Variants in REDIC1 observed in about 807,000 individuals in gnomAD.
REDIC1 encodes the protein HEI10 Interacting Protein 1.
the REDIC1 span, among the ~76,000 whole-genome samples, chr12:39,797,833 A>T: frequency 3.9e-5 from 6 of 152,222 alleles, no homozygotes; most frequent in African/African-American, 1.4e-4. Context: ...CTATCCATGT[A>T]AACATAAAAG....
chr12:39,761,269 T>A, the REDIC1 span, among the ~76,000 whole-genome samples: 6 of 151,978 alleles, frequency 3.9e-5, no homozygotes, highest in African/African-American at 1.2e-4. Context: ...GCTTCTCAGC[T>A]CCTACTTAAG....
the REDIC1 span, among the ~76,000 whole-genome samples, chr12:39,874,534 G>C: frequency 6.7e-6 from 1 of 149,362 alleles, no homozygotes; most frequent in African/African-American, 2.5e-5. Context: ...AGAATTGCTT[G>C]AACCTGGGAG....
At chr12:39,697,846 G>A in the REDIC1 span, among the ~76,000 whole-genome samples, 16 of 152,008 alleles carry the variant, frequency 1.1e-4, no homozygotes, top group African/African-American at 2.9e-4. Flanking sequence ...AAGGAAAGAC[G>A]AAATGACCAC....
the REDIC1 span, among the ~76,000 whole-genome samples, chr12:39,713,257 C>G: frequency 0.012 from 1,164 of 96,204 alleles, 98 homozygotes; most frequent in African/African-American, 0.043. Flanking sequence ...CACACACATA[C>G]GTGTATATAT....
the REDIC1 span, chr12:39,830,492 A>C: frequency 8.5e-7 from 1 of 1,175,248 alleles, no homozygotes; most frequent in Non-Finnish European, 1.1e-6. Flanking sequence ...TGAATGTAGA[A>C]GAGTCCCCAT....
the REDIC1 span, chr12:39,829,384 T>C: frequency 7.2e-6 from 1 of 138,530 alleles, no homozygotes. Flanking sequence ...TGTAATGTGA[T>C]AGTAATTCTT....
At chr12:39,689,580 G>A in the REDIC1 span, among the ~76,000 whole-genome samples, 1 of 152,172 alleles carries the variant, frequency 6.6e-6, no homozygotes, top group Non-Finnish European at 1.5e-5. Flanking sequence ...TCGAGAGAAA[G>A]TGTATAGAAT....
chr12:39,770,363 G>A, the REDIC1 span, among the ~76,000 whole-genome samples: 1 of 152,084 alleles, frequency 6.6e-6, no homozygotes, highest in Non-Finnish European at 1.5e-5. Flanking sequence ...ACAACGAAAT[G>A]ACCTCTCCAG....
chr12:39,726,325 C>T, the REDIC1 span, among the ~76,000 whole-genome samples: 2 of 152,020 alleles, frequency 1.3e-5, no homozygotes, highest in Non-Finnish European at 2.9e-5. Flanking sequence ...CCCCCACACC[C>T]CAACAGGCTC....
chr12:39,752,494 C>A, the REDIC1 span, among the ~76,000 whole-genome samples: 1 of 151,984 alleles, frequency 6.6e-6, no homozygotes, highest in Admixed American at 6.6e-5. Context: ...GTTTGAGGAC[C>A]GCTGTTCTGG....
the REDIC1 span, among the ~76,000 whole-genome samples, chr12:39,676,437 C>T: frequency 1.3e-5 from 2 of 152,056 alleles, no homozygotes; most frequent in Non-Finnish European, 2.9e-5. Context: ...TGAACAAAGC[C>T]TTCAAGAAAT....
At chr12:39,638,013 ATGTGTGG>A in the REDIC1 span, among the ~76,000 whole-genome samples, 1 of 151,976 alleles carries the variant, frequency 6.6e-6, no homozygotes, top group African/African-American at 2.4e-5. Context: ...GCCCCTGTTT[ATGTGTGG>A]TGTATCTGTC....
At chr12:39,871,992 T>C in the REDIC1 span, 3 of 1,503,970 alleles carry the variant, frequency 2.0e-6, no homozygotes, top group African/African-American at 2.8e-5. Flanking sequence ...CAATTGCTAT[T>C]GATAGTTACC....
the REDIC1 span, among the ~76,000 whole-genome samples, chr12:39,714,294 T>TATATGTATATACGTATATACAG: frequency 1.3e-4 from 19 of 148,630 alleles, 2 homozygotes; most frequent in East Asian, 9.9e-4. Context: ...CGTATATGCA[T>TATATGTATATACGTATATACAG]GCATATATGT....
the REDIC1 span, among the ~76,000 whole-genome samples, chr12:39,713,789 A>G: frequency 4.0e-5 from 6 of 149,120 alleles, no homozygotes; most frequent in South Asian, 8.3e-4. Context: ...GTAAATATAC[A>G]TAGATGTATA....
At chr12:39,641,414 T>C in the REDIC1 span, among the ~76,000 whole-genome samples, 1 of 151,828 alleles carries the variant, frequency 6.6e-6, no homozygotes, top group Non-Finnish European at 1.5e-5. Flanking sequence ...AAGAAACCCT[T>C]GTACATGTGC....
the REDIC1 span, among the ~76,000 whole-genome samples, chr12:39,862,089 A>G: frequency 6.6e-6 from 1 of 152,122 alleles, no homozygotes; most frequent in Non-Finnish European, 1.5e-5. Flanking sequence ...TTGTGTCCCT[A>G]TGTTCTCATT....
the REDIC1 span, chr12:39,760,291 TAG>T: frequency 1.3e-6 from 2 of 1,540,628 alleles, no homozygotes; most frequent in Non-Finnish European, 1.8e-6. Context: ...TATGAATATA[TAG>T]AGAGAGGCTT....
At chr12:39,896,290 ATG>A in the REDIC1 span, among the ~76,000 whole-genome samples, 9,811 of 96,294 alleles carry the variant, frequency 0.1, 1,253 homozygotes, top group East Asian at 0.24. Context: ...ATGTATGTAT[ATG>A]TGTGTATATA....
Sources: allele counts gnomAD v4.1 joint callset (sites outside exome capture counted in the v4.1 genomes callset), GRCh38; gene constraint gnomAD v4.1.1; transcripts MANE v1.5; gene names NCBI Gene and HGNC (gene_info 2026-07-23, HGNC 2026-07-21).